The following LMNTD2 variants were observed in gnomAD, a reference collection of about 807,000 sequenced individuals.
The protein encoded by LMNTD2 is lamin tail domain containing 2.
A neutral mutation model predicts 70.1 loss-of-function variants in LMNTD2; 83 were observed. That is an observed-to-expected ratio of 1.18 (90% CI 0.99 to 1.42). The LOEUF is 1.42. LMNTD2 is among the 40% of genes most tolerant of loss of function. The pLI is 0.00. For missense variants in LMNTD2, 1,153 were observed against 905.9 expected (o/e 1.27, Z -3.50); for synonymous variants, 534 against 406.1 (o/e 1.31, Z -3.79).
Position 556,309 on chromosome 11 carries a change from C to A in LMNTD2, c.1140G>T (p.Ser380=). 1 of 1,535,662 alleles carries A rather than the reference C, an allele frequency of 6.5e-7. No individual in the cohort carries two copies. Among genetic ancestry groups the A allele is most frequent in the Non-Finnish European group, 8.7e-7 (1 of 1,146,676 alleles). The change falls in exon 10 of 14, where the codon TCG becomes TCT. Residue 380 remains serine (S), a synonymous_variant. Coordinates refer to ENST00000329451, the MANE Select transcript of LMNTD2 (RefSeq NM_173573.3). The part of the protein sequence containing the change: ...REKFVRIFNP[S]QESTADLSGM... ...CGCTCAGGTCGGCCGTGCTCTCCTG[C>A]GACGGGTTGAAGATGCGGACGAACT...
chr11:560,606 G>C (rs1160729340), intron 1 of LMNTD2, 77 bp downstream of exon 1: 1 of 1,313,266 alleles, frequency 7.6e-7, no homozygotes, highest in African/African-American at 1.5e-5. Flanking sequence ...TCAAGCCAGA[G>C]ACCCTTCCTG....
intron 1 of LMNTD2, chr11:559,457 A>AC (rs1853141903): frequency 7.7e-7 from 1 of 1,303,540 alleles, no homozygotes; most frequent in South Asian, 1.2e-5. Context: ...CTCCAGGGAG[A>AC]CCCCAGACCA....
At position 556,072 on chromosome 11, in the gene LMNTD2, G is replaced by C; in HGVS notation, c.1301C>G (p.Ala434Gly). The C allele has an allele frequency of 6.5e-7, 1 of 1,542,914 alleles. No homozygotes were observed. Among genetic ancestry groups the C allele is most frequent in the Non-Finnish European group, 8.7e-7 (1 of 1,155,654 alleles). Residue 434 changes from alanine (A) to glycine (G), a missense_variant, in exon 11 of 14, where the codon GCG (alanine) becomes GGG (glycine). Transcript: ENST00000329451. ...GGGAACGGGCTCCCGGCTCGAGGAC[G>C]CGCGCAGCGGCTTCTTGGCGCTGCG... is the stretch of plus-strand genomic sequence containing the variant. ...ATRSAKKPLR[A>G]SSSREPVPLL...
Position 557,645 on chromosome 11 carries a change from A to G in LMNTD2, c.556-5T>C, listed in dbSNP as rs371678978. Reference sequence around the variant, plus strand: ...CAGAGTCTCTGCCGTCACTACCTGCAAGAGGGGACCGGAAGCCAGTGGGCA... The same window carrying G: ...CAGAGTCTCTGCCGTCACTACCTGCGAGAGGGGACCGGAAGCCAGTGGGCA... On this transcript the variant is annotated splice_region_variant and splice_polypyrimidine_tract_variant and intron_variant, in intron 5 of 13. Transcript: ENST00000329451. 2.0e-5 allele frequency: 33 copies of G among 1,612,920 alleles called. No homozygotes were observed. The highest frequency in any genetic ancestry group is 1.6e-4 in the Middle Eastern group (1 of 6,082).
chr11:556,346 C>T lies in LMNTD2; in HGVS notation c.1103G>A (p.Ser368Asn), dbSNP rs1464278804. 1.5e-5 allele frequency: 23 copies of T among 1,535,786 alleles called. No homozygotes were observed. Among genetic ancestry groups the T allele is most frequent in the African/African-American group, 2.7e-5 (2 of 73,044 alleles). The change falls in exon 10 of 14, where the codon AGC (serine) becomes AAC (asparagine). Residue 368 changes from serine to asparagine, a missense_variant. Transcript: ENST00000329451. ...SPTGLKIVAVSCREKFVRIFN... is the reference protein window; with the variant it reads ...SPTGLKIVAVNCREKFVRIFN... ...GATGCGGACGAACTTCTCCCGGCAG[C>T]TCACAGCCACGATCTTCAGGCCTGT...
In LMNTD2 at chr11:556,007, G is replaced by C. The variant is rs376417382; in HGVS notation, c.1366C>G (p.Pro456Ala). Residue 456 changes from proline to alanine, a missense_variant, in exon 11 of 14, where the codon CCC becomes GCC. Coordinates refer to ENST00000329451, the MANE Select transcript of LMNTD2 (RefSeq NM_173573.3). Reference sequence around the variant, plus strand: ...GGACCCGCACCGACCTCGCCCTTGGGGCTCAGGAGCAGCGTCGCGCAGCCG... The same window carrying C: ...GGACCCGCACCGACCTCGCCCTTGGCGCTCAGGAGCAGCGTCGCGCAGCCG... Reference protein sequence around the residue: ...IRGCATLLLSPKGEVLSEHRI... With the variant: ...IRGCATLLLSAKGEVLSEHRI... The C allele has an allele frequency of 9.0e-6, 14 of 1,559,120 alleles. No individual in the cohort carries two copies. The African/African-American group carries it at 1.8e-4, about 20-fold the overall frequency.
At chr11:557,128 C>G in intron 7 of LMNTD2, 31 bp from the exon 8 acceptor site, 1 of 1,552,894 alleles carries the variant, frequency 6.4e-7, no homozygotes, top group South Asian at 1.2e-5. Flanking sequence ...GATGGCCACT[C>G]CAGCTCCAGA....
At chr11:560,182 G>C (rs1379794801) in intron 1 of LMNTD2, 1 of 506,740 alleles carries the variant, frequency 2.0e-6, no homozygotes, top group Non-Finnish European at 2.6e-6. Flanking sequence ...AGGCGGGCAG[G>C]AGGCCCACGC....
chr11:557,586 C>T lies in LMNTD2; in HGVS notation c.610G>A (p.Ala204Thr). The stretch of plus-strand genomic sequence containing the variant: ...GCCTAGCTCACCTCCCCGGTGGGGG[C>T]CTGAATGTTTTCAGAGAGGTCGCTT... ...DPSDLSENIQAPTGEGFRLED... is the reference protein window; with the variant it reads ...DPSDLSENIQTPTGEGFRLED... Residue 204 changes from alanine to threonine, a missense_variant, in exon 6 of 14, where the codon GCC becomes ACC. Transcript: ENST00000329451. 1 of 1,613,360 alleles carries T rather than the reference C, an allele frequency of 6.2e-7. No homozygotes were observed. Among genetic ancestry groups the T allele is most frequent in the Non-Finnish European group, 8.5e-7 (1 of 1,179,866 alleles).
At chr11:556,158 G>A (rs1245061544) in intron 10 of LMNTD2, 34 bp downstream of exon 10, 2 of 1,315,056 alleles carry the variant, frequency 1.5e-6, no homozygotes, top group East Asian at 6.3e-5. Flanking sequence ...GCCGGGCCGG[G>A]CCGTCGGGGC....
intron 12 of LMNTD2, 92 bp downstream of exon 12, chr11:555,642 G>A (rs866804284): frequency 3.1e-6 from 4 of 1,276,090 alleles, no homozygotes; most frequent in Admixed American, 4.2e-5. Flanking sequence ...GGGGAAGTAG[G>A]GGTCCGTCCT....
chr11:556,507 G>C lies in LMNTD2; in HGVS notation c.1058C>G (p.Pro353Arg). Reference protein sequence around the residue: ...QPCTDPDHWSPELLQSPTGLK... With the variant: ...QPCTDPDHWSRELLQSPTGLK... ...CGCCCCTTACCTCTGCAGGAGTTCC[G>C]GGCTCCAGTGGTCCGGGTCTGTGCA... Residue 353 changes from proline (P) to arginine (R), a missense_variant, in exon 9 of 14, where the codon CCG becomes CGG. By Grantham distance (103) the Pro-to-Arg change is moderately radical. Transcript: ENST00000329451. 6.4e-7 allele frequency: 1 copy of C among 1,552,968 alleles called. No individual in the cohort carries two copies. The highest frequency in any genetic ancestry group is 8.7e-7 in the Non-Finnish European group (1 of 1,148,278).
At position 555,499 on chromosome 11, in the gene LMNTD2, G is replaced by A. The variant is rs771077970; in HGVS notation, c.1579C>T (p.Arg527Trp). Residue 527 changes from arginine (R) to tryptophan (W), a missense_variant, in exon 13 of 14, where the codon CGG becomes TGG. Physicochemically the swap from Arg to Trp is moderately radical, Grantham distance 101. Coordinates refer to ENST00000329451, the MANE Select transcript of LMNTD2 (RefSeq NM_173573.3). ...PRVSRRRPGTRGLLPPVSSGK... is the reference protein window; with the variant it reads ...PRVSRRRPGTWGLLPPVSSGK... ...GAGCTCACTGGGGGCAGCAGGCCCC[G>A]CGTCCTGGTGGGGCGAGGGTCGTGA... 2.4e-5 allele frequency: 33 copies of A among 1,362,070 alleles called. No individual in the cohort carries two copies. Among genetic ancestry groups the A allele is most frequent in the African/African-American group, 1.5e-5 (1 of 65,980 alleles). The allele number at this position is 1,362,070 out of a possible 1,614,324, so 84.4% of individuals were successfully genotyped here.
intron 1 of LMNTD2, 62 bp downstream of exon 1, chr11:560,621 G>A (rs2134113042): frequency 7.5e-7 from 1 of 1,328,018 alleles, no homozygotes; most frequent in Non-Finnish European, 9.7e-7. Context: ...TTCCTGGGCG[G>A]GAACCCGCCA....
At chr11:555,140 CG>C in intron 13 of LMNTD2, 29 bp from the exon 14 acceptor site, 1 of 369,876 alleles carries the variant, frequency 2.7e-6, no homozygotes, top group Non-Finnish European at 3.7e-6. Flanking sequence ...GAGAGGCGCG[CG>C]GGGCGGGGCG....
intron 1 of LMNTD2, chr11:559,502 G>A: frequency 7.8e-7 from 1 of 1,280,706 alleles, no homozygotes; most frequent in Non-Finnish European, 1.0e-6. Context: ...GCCCAGCCTG[G>A]AGGAGGTGTG....
Position 560,668 on chromosome 11 carries a change from G to C in LMNTD2, c.34+15C>G. The C allele has an allele frequency of 7.0e-7, 1 of 1,429,866 alleles. No individual in the cohort carries two copies. The highest frequency in any genetic ancestry group is 9.2e-7 in the Non-Finnish European group (1 of 1,082,234). 88.6% of individuals were successfully genotyped at this position (1,429,866 alleles called of 1,614,324 possible). A position where few individuals can be genotyped will look rare whatever the true frequency, so the allele number is the denominator to read the frequency against. ...TGCTGAGGAAGTCGGCCCAGGAGCGGGGCCAGACACCTACCCCGACGCCTG... is the reference window on the plus strand; with the variant it reads ...TGCTGAGGAAGTCGGCCCAGGAGCGCGGCCAGACACCTACCCCGACGCCTG... On this transcript the variant is annotated intron_variant, in intron 1 of 13. Coordinates refer to ENST00000329451, the MANE Select transcript of LMNTD2 (RefSeq NM_173573.3).
At chr11:560,443 T>G in intron 1 of LMNTD2, 2 of 1,248,630 alleles carry the variant, frequency 1.6e-6, no homozygotes, top group African/African-American at 3.1e-5. Flanking sequence ...TCCGCAGGGC[T>G]CCACCTCCCT....
chr11:557,502 A>G lies in LMNTD2; in HGVS notation c.625-15T>C, dbSNP rs755870757. The G allele has an allele frequency of 4.3e-6, 7 of 1,613,238 alleles. No individual in the cohort carries two copies. The South Asian group carries it at 4.4e-5, about 10-fold the overall frequency. On this transcript the variant is annotated splice_polypyrimidine_tract_variant and intron_variant, in intron 6 of 13. Coordinates refer to ENST00000329451, the MANE Select transcript of LMNTD2 (RefSeq NM_173573.3). ...AGCCGAAAGCCCTGGCCAGGAAGCA[A>G]GAGGCACATGGTCCTCCCCTCCCGC...
Sources: gnomAD v4.1 joint callset for allele counts on GRCh38, gnomAD v4.1.1 for gene constraint, MANE v1.5 for transcripts, NCBI Gene and HGNC (gene_info 2026-07-23, HGNC 2026-07-21) for gene names.